The following IFRD1 variants were observed in gnomAD, a reference collection of about 807,000 sequenced individuals.
IFRD1 encodes the protein interferon related developmental regulator 1, also known as interferon-related developmental regulator 1.
In IFRD1, 35 loss-of-function variants were observed where a neutral mutation model predicts 52.9. The observed-to-expected ratio is 0.66, with a 90% CI of 0.51 to 0.88. The LOEUF (loss-of-function observed/expected upper bound fraction) is 0.88, where lower values mean the gene tolerates loss of function less well. Ranked by LOEUF, IFRD1 falls within the 40% of genes least tolerant of loss-of-function variation. The pLI is 0.00. For missense variants in IFRD1, 517 were observed against 550.8 expected, an observed-to-expected ratio of 0.94 and a Z score of 0.61; for synonymous variants, 184 against 188.4, an observed-to-expected ratio of 0.98 and a Z score of 0.19.
chr7:112,444,077 G>A (rs1395679345), intron 1 of IFRD1, among the ~76,000 whole-genome samples: 11 of 152,152 alleles, frequency 7.2e-5, no homozygotes, highest in Non-Finnish European at 1.3e-4. Context: ...TTACGCTGTT[G>A]CCATAAAAAG....
rs1177059553 is a variant in IFRD1 at position 112,457,280 on chromosome 7, T to C, written c.409+242T>C. 12 of 584,348 alleles carry C rather than the reference T, an allele frequency of 2.1e-5. No homozygotes were observed. The East Asian group carries it at 3.3e-4, about 16-fold the overall frequency. 36.2% of individuals were successfully genotyped at this position (584,348 alleles called of 1,614,324 possible). On this transcript the variant is annotated intron_variant, in intron 4 of 11. Transcript: ENST00000403825. ...GGATTAGGGTAGATTGTCATCAACC[T>C]TTTTTGTATCAGAAGAGGTGATGGT... is the stretch of plus-strand genomic sequence containing the variant.
intron 8 of IFRD1, among the ~76,000 whole-genome samples, chr7:112,466,967 A>G (rs1795623938): frequency 1.3e-5 from 2 of 152,192 alleles, no homozygotes; most frequent in Non-Finnish European, 2.9e-5. Context: ...TTGAATTGGA[A>G]CATTTGAAGA....
At chr7:112,456,574 T>A (rs1398445366) in intron 3 of IFRD1, among the ~76,000 whole-genome samples, 2 of 152,008 alleles carry the variant, frequency 1.3e-5, no homozygotes, top group Non-Finnish European at 2.9e-5. Context: ...TTTATAGTTT[T>A]AAAAAAAGTG....
intron 1 of IFRD1, among the ~76,000 whole-genome samples, chr7:112,425,975 T>C (rs778611913): frequency 6.6e-6 from 1 of 152,244 alleles, no homozygotes; most frequent in Non-Finnish European, 1.5e-5. Flanking sequence ...AAACATTCTT[T>C]TTCTTTCTCA....
At chr7:112,428,651 T>C (rs1163010064) in intron 1 of IFRD1, among the ~76,000 whole-genome samples, 1 of 152,154 alleles carries the variant, frequency 6.6e-6, no homozygotes, top group Non-Finnish European at 1.5e-5. Context: ...AGGTGGCTTA[T>C]CGAAGGTAAG....
At chr7:112,431,440 T>C (rs192611483) in intron 1 of IFRD1, among the ~76,000 whole-genome samples, 23 of 152,300 alleles carry the variant, frequency 1.5e-4, no homozygotes, top group African/African-American at 5.5e-4. Flanking sequence ...ATGAATGACA[T>C]GCATCAGTTT....
Position 112,472,346 on chromosome 7 carries a change from A to G in IFRD1, c.1169A>G (p.Gln390Arg), listed in dbSNP as rs1795772822. The change falls in exon 10 of 12, where the codon CAG (glutamine) becomes CGG (arginine). Residue 390 changes from glutamine (Q) to arginine (R), a missense_variant and splice_region_variant. Coordinates refer to ENST00000403825, the MANE Select transcript of IFRD1 (RefSeq NM_001550.4). The part of the protein sequence containing the change: ...VLGSGMQYHL[Q>R]SNEFLRNVFE... ...GGATCAGGGATGCAGTACCACTTGCAGGTAAGTGTCATCCTTTCTACATAT... is the reference window on the plus strand; with the variant it reads ...GGATCAGGGATGCAGTACCACTTGCGGGTAAGTGTCATCCTTTCTACATAT... The G allele has an allele frequency of 6.2e-7, 1 of 1,614,028 alleles. No homozygotes were observed. Among genetic ancestry groups the G allele is most frequent in the Admixed American group, 1.7e-5 (1 of 60,022 alleles).
intron 1 of IFRD1, among the ~76,000 whole-genome samples, chr7:112,436,805 G>A (rs1183331396): frequency 6.6e-6 from 1 of 151,822 alleles, no homozygotes; most frequent in Non-Finnish European, 1.5e-5. Flanking sequence ...AAAAGGGTCA[G>A]GAAAGATTTT....
chr7:112,429,686 C>G (rs1454934717), intron 1 of IFRD1, among the ~76,000 whole-genome samples: 1 of 152,216 alleles, frequency 6.6e-6, no homozygotes, highest in Non-Finnish European at 1.5e-5. Context: ...TAAAATGGGA[C>G]TCATGATATC....
chr7:112,450,455 G>C (rs568490643), upstream of IFRD1: 10 of 572,802 alleles, frequency 1.7e-5, no homozygotes, highest in Non-Finnish European at 2.8e-5. Context: ...GGCCTCCCCT[G>C]CCCCGCCTTA....
intron 9 of IFRD1, among the ~76,000 whole-genome samples, chr7:112,471,170 C>T (rs574949811): frequency 3.3e-5 from 5 of 152,116 alleles, no homozygotes; most frequent in East Asian, 3.8e-4. Flanking sequence ...GCTGCTGTTA[C>T]GCACCAGACG....
chr7:112,471,579 CTTTTT>C (rs369657692), intron 9 of IFRD1, among the ~76,000 whole-genome samples: 1 of 151,510 alleles, frequency 6.6e-6, no homozygotes, highest in African/African-American at 2.4e-5. Flanking sequence ...TTCCAGCTGA[CTTTTT>C]TTTTAATCCA....
intron 5 of IFRD1, among the ~76,000 whole-genome samples, chr7:112,460,162 A>G (rs9649351): frequency 0.74 from 111,245 of 150,930 alleles, 41,224 homozygotes; most frequent in East Asian, 0.8. Context: ...CCATACTTCC[A>G]AGTTGCTGTG....
At chr7:112,424,517 C>T (rs1469294497) in intron 1 of IFRD1, among the ~76,000 whole-genome samples, 16 of 151,846 alleles carry the variant, frequency 1.1e-4, no homozygotes, top group Non-Finnish European at 1.8e-4. Context: ...CAGGTTCAAG[C>T]GATTCTCCTG....
At chr7:112,432,073 A>C (rs1253784716) in intron 1 of IFRD1, among the ~76,000 whole-genome samples, 1 of 152,184 alleles carries the variant, frequency 6.6e-6, no homozygotes, top group Non-Finnish European at 1.5e-5. Flanking sequence ...ACATCCTCTT[A>C]TTGCCTACTC....
Position 112,468,105 on chromosome 7 carries a change from G to A in IFRD1, c.1031G>A (p.Arg344Lys), listed in dbSNP as rs1795659530. 2.5e-6 allele frequency: 4 copies of A among 1,614,004 alleles called. No homozygotes were observed. Among genetic ancestry groups the A allele is most frequent in the Non-Finnish European group, 3.4e-6 (4 of 1,179,924 alleles). The stretch of plus-strand genomic sequence containing the variant: ...CGGTCAGTTTTCAGAGATGTCCTGA[G>A]GGCAGTGGAGGTAGGCTTCTTAAAT... The part of the protein sequence containing the change: ...KQRSVFRDVL[R>K]AVEERDFPTE... Residue 344 changes from arginine (R) to lysine (K), a missense_variant, in exon 9 of 12, where the codon AGG becomes AAG. By Grantham distance (26) the Arg-to-Lys change is conservative (BLOSUM62 2). Transcript: ENST00000403825.
At chr7:112,439,325 C>T (rs1051910898) in intron 1 of IFRD1, among the ~76,000 whole-genome samples, 2 of 152,040 alleles carry the variant, frequency 1.3e-5, no homozygotes, top group East Asian at 1.9e-4. Flanking sequence ...GGGGATAGTT[C>T]GGGGATTATT....
intron 1 of IFRD1, among the ~76,000 whole-genome samples, chr7:112,441,183 AAG>A (rs1378554032): frequency 1.3e-5 from 2 of 152,046 alleles, no homozygotes; most frequent in Non-Finnish European, 2.9e-5. Flanking sequence ...GCTGAGGCAG[AAG>A]AACTGCTTGA....
At chr7:112,440,770 A>C (rs1794863361) in intron 1 of IFRD1, among the ~76,000 whole-genome samples, 1 of 152,230 alleles carries the variant, frequency 6.6e-6, no homozygotes, top group Non-Finnish European at 1.5e-5. Flanking sequence ...GCTAAGGAGA[A>C]ACTGTAAACT....
Sources: allele counts gnomAD v4.1 joint callset (sites outside exome capture counted in the v4.1 genomes callset), GRCh38; gene constraint gnomAD v4.1.1; transcripts MANE v1.5; gene names NCBI Gene and HGNC (gene_info 2026-07-23, HGNC 2026-07-21).